VWA2: variants seen among roughly 807,000 people sequenced by gnomAD.
VWA2 encodes von Willebrand factor A domain containing 2, also known as von Willebrand factor A domain-containing protein 2.
VWA2 carries 73 observed loss-of-function variants against 70.4 expected under a neutral mutation model. That is an observed-to-expected ratio of 1.04 (90% CI 0.86 to 1.26). VWA2 has a LOEUF of 1.26. VWA2 is among the 50% of genes most tolerant of loss of function. The probability of loss-of-function intolerance (pLI) is 0.00; values close to 1 mark genes in which losing one functional copy is unlikely to be tolerated. For missense variants in VWA2, 1,011 were observed against 998.5 expected, an observed-to-expected ratio of 1.01 and a Z score of -0.17; for synonymous variants, 407 against 423.3, an observed-to-expected ratio of 0.96 and a Z score of 0.47.
At chr10:114,260,393 G>A (rs1307102204) in intron 4 of VWA2, among the ~76,000 whole-genome samples, 4 of 152,142 alleles carry the variant, frequency 2.6e-5, no homozygotes, top group African/African-American at 7.2e-5. Flanking sequence ...CATACTAGTC[G>A]TTTCAGTTGT....
At chr10:114,264,859 A>T (rs1305573103) in intron 5 of VWA2, among the ~76,000 whole-genome samples, 2 of 152,130 alleles carry the variant, frequency 1.3e-5, no homozygotes, top group Non-Finnish European at 2.9e-5. Context: ...AGCTAGGACT[A>T]TAGGCGCTCG....
At position 114,286,386 on chromosome 10, in the gene VWA2, C is replaced by T. The variant is rs780411469; in HGVS notation, c.1445C>T (p.Ala482Val). 3.7e-5 allele frequency: 60 copies of T among 1,613,690 alleles called. 1 individual carries two copies. In the Middle Eastern group the frequency reaches 4.9e-4, roughly 13 times the overall value. Residue 482 changes from alanine (A) to valine (V), a missense_variant, in exon 11 of 14, where the codon GCC becomes GTC. By Grantham distance (64) the Ala-to-Val change is moderately conservative. Coordinates refer to ENST00000392982, the MANE Select transcript of VWA2 (RefSeq NM_001272046.2). ...CTCCTGCTGGGTGTAGGCAGTGAGG[C>T]CGTGCGGGCAGAGCTGGAGGAGATC... ...ELLLLGVGSE[A>V]VRAELEEITG... is the part of the protein sequence containing the mutation.
At chr10:114,278,213 C>T (rs1328264949) in intron 7 of VWA2, among the ~76,000 whole-genome samples, 166 bp downstream of exon 7, 2 of 152,122 alleles carry the variant, frequency 1.3e-5, no homozygotes, top group Non-Finnish European at 2.9e-5. Context: ...CTGTGCCCTG[C>T]CCTGTGGGTT....
At chr10:114,263,327 C>CTTTT (rs1564720569) in intron 5 of VWA2, among the ~76,000 whole-genome samples, 9 of 121,786 alleles carry the variant, frequency 7.4e-5, no homozygotes, top group African/African-American at 2.9e-4. Context: ...GAATCTCCCC[C>CTTTT]ATTTTTTTTT....
intron 1 of VWA2, among the ~76,000 whole-genome samples, chr10:114,247,720 A>C (rs2037103557): frequency 6.6e-6 from 1 of 151,986 alleles, no homozygotes; most frequent in Non-Finnish European, 1.5e-5. Context: ...TCATAGGTCC[A>C]TGATGGAGGC....
chr10:114,243,368 C>T (rs184844437), intron 1 of VWA2, among the ~76,000 whole-genome samples: 1 of 152,278 alleles, frequency 6.6e-6, no homozygotes, highest in African/African-American at 2.4e-5. Flanking sequence ...TTTTTAAATG[C>T]TCTCTCTGCC....
At chr10:114,271,438 C>A (rs2037706174) in intron 5 of VWA2, among the ~76,000 whole-genome samples, 1 of 152,166 alleles carries the variant, frequency 6.6e-6, no homozygotes, top group African/African-American at 2.4e-5. Context: ...GCACAATCTT[C>A]ATGCTCTTTC....
chr10:114,243,137 C>G (rs995553798), intron 1 of VWA2, among the ~76,000 whole-genome samples: 4 of 152,216 alleles, frequency 2.6e-5, no homozygotes, highest in Admixed American at 2.0e-4. Flanking sequence ...TCCATCAAAA[C>G]AAACATGAAC....
chr10:114,240,993 C>T (rs984305359), intron 1 of VWA2, among the ~76,000 whole-genome samples: 1 of 152,198 alleles, frequency 6.6e-6, no homozygotes. Context: ...CCCCTCTCTT[C>T]AATAGGCACA....
chr10:114,278,947 A>G (rs992203334), intron 8 of VWA2, 96 bp downstream of exon 8: 8 of 1,548,658 alleles, frequency 5.2e-6, no homozygotes, highest in Non-Finnish European at 7.0e-6. Flanking sequence ...TGCCATGGAG[A>G]TTGTGACAGG....
At position 114,292,507 on chromosome 10, in the gene VWA2, A is replaced by C. The variant is rs1284218796; in HGVS notation, c.*1270A>C. Among the ~76,000 whole-genome samples, 1 of 151,056 alleles carries C rather than the reference A, an allele frequency of 6.6e-6. No individual in the cohort carries two copies. The highest frequency in any genetic ancestry group is 2.1e-4 in the South Asian group (1 of 4,756). On this transcript the variant is annotated 3_prime_UTR_variant, in exon 14 of 14. Transcript: ENST00000392982. ...AGTTTTTAAAGAAATATTTCAAGAA[A>C]TGTTGGTTATTTATTAAACAGGGAT...
At chr10:114,261,155 G>C (rs375151775) in intron 4 of VWA2, 31 bp from the exon 5 acceptor site, 1 of 1,534,016 alleles carries the variant, frequency 6.5e-7, no homozygotes, top group Admixed American at 1.7e-5. Flanking sequence ...CTCCAGTCTC[G>C]GGGCCCTGAG....
chr10:114,284,793 C>T lies in VWA2; in HGVS notation c.890-70C>T, dbSNP rs1034606584. 18 of 1,437,132 alleles carry T rather than the reference C, an allele frequency of 1.3e-5. No individual in the cohort carries two copies. The African/African-American group carries it at 2.5e-4, about 20-fold the overall frequency. The allele number at this position is 1,437,132 out of a possible 1,614,324, so 89.0% of individuals were successfully genotyped here. ...TAGAGCAGGAAGCCAGCTGCACCCA[C>T]ACCTCTGGCCAGTCCTCTCCACTCC... On this transcript the variant is annotated intron_variant, in intron 9 of 13. Coordinates refer to ENST00000392982, the MANE Select transcript of VWA2 (RefSeq NM_001272046.2).
At chr10:114,265,273 T>TA (rs202056397) in intron 5 of VWA2, among the ~76,000 whole-genome samples, 7 of 151,172 alleles carry the variant, frequency 4.6e-5, no homozygotes, top group South Asian at 2.1e-4. Flanking sequence ...TAAGGTAGTT[T>TA]AAAAAAAAAA....
chr10:114,242,904 A>G (rs924989106), intron 1 of VWA2, among the ~76,000 whole-genome samples: 2 of 152,216 alleles, frequency 1.3e-5, no homozygotes, highest in African/African-American at 4.8e-5. Context: ...TCTTTACAAC[A>G]CTGGGGGAGT....
At chr10:114,250,711 G>T (rs2037177454) in intron 2 of VWA2, among the ~76,000 whole-genome samples, 1 of 152,216 alleles carries the variant, frequency 6.6e-6, no homozygotes. Context: ...CTGTCTCTGA[G>T]CCAGGTGGGG....
Position 114,253,724 on chromosome 10 carries a change from A to C in VWA2, c.126A>C (p.Lys42Asn). The change falls in exon 3 of 14, where the codon AAA (lysine) becomes AAC (asparagine). Residue 42 changes from lysine (K) to asparagine (N), a missense_variant and splice_region_variant. Lys to Asn is a moderately conservative substitution (Grantham distance 94). Transcript: ENST00000392982. ...TCGGGAAGATTTCAGCTGCCAGCAA[A>C]AGTAAGCCCAGGTTCTTCTTAACCC... is the stretch of plus-strand genomic sequence containing the variant. The part of the protein sequence containing the change: ...ETIGKISAAS[K>N]MMWCSAAVDI... 2 of 1,612,118 alleles carry C rather than the reference A, an allele frequency of 1.2e-6. No individual in the cohort carries two copies. Among genetic ancestry groups the C allele is most frequent in the South Asian group, 2.2e-5 (2 of 90,978 alleles).
chr10:114,255,109 C>A, intron 4 of VWA2, 61 bp downstream of exon 4: 1 of 1,591,180 alleles, frequency 6.3e-7, no homozygotes, highest in South Asian at 1.1e-5. Flanking sequence ...GGACAGAAAC[C>A]CGGTCTCAAG....
At chr10:114,285,022 C>A in intron 10 of VWA2, 52 bp downstream of exon 10, 1 of 1,427,156 alleles carries the variant, frequency 7.0e-7, no homozygotes, top group Non-Finnish European at 9.4e-7. Flanking sequence ...AAGAAGAGGA[C>A]GGGCTCCCCT....
Sources: allele counts gnomAD v4.1 joint callset (sites outside exome capture counted in the v4.1 genomes callset), GRCh38; gene constraint gnomAD v4.1.1; transcripts MANE v1.5; gene names NCBI Gene and HGNC (gene_info 2026-07-23, HGNC 2026-07-21).